Variants in AFG2A observed in about 807,000 individuals in gnomAD.
AFG2A encodes the protein ATPase family gene 2 protein homolog A.
the AFG2A span, among the ~76,000 whole-genome samples, chr4:123,284,993 A>T: frequency 6.6e-6 from 1 of 152,182 alleles, no homozygotes; most frequent in Non-Finnish European, 1.5e-5. Context: ...TCCTTAGATC[A>T]TTGTTACTCT....
chr4:123,242,214 C>T, the AFG2A span, among the ~76,000 whole-genome samples: 1 of 152,178 alleles, frequency 6.6e-6, no homozygotes, highest in Non-Finnish European at 1.5e-5. Flanking sequence ...AATGCTATCT[C>T]CATCAAGCTA....
chr4:123,181,601 T>C, the AFG2A span, among the ~76,000 whole-genome samples: 1 of 152,002 alleles, frequency 6.6e-6, no homozygotes, highest in African/African-American at 2.4e-5. Context: ...TCAGACCCTG[T>C]CTCAAAGAAA....
At chr4:122,979,896 T>C in the AFG2A span, among the ~76,000 whole-genome samples, 395 of 152,236 alleles carry the variant, frequency 2.6e-3, no homozygotes, top group South Asian at 6.0e-3. Flanking sequence ...AGACCCTGTC[T>C]CAAAAACAAA....
At chr4:123,303,329 T>TG in the AFG2A span, among the ~76,000 whole-genome samples, 1 of 152,152 alleles carries the variant, frequency 6.6e-6, no homozygotes, top group African/African-American at 2.4e-5. Flanking sequence ...AAGACCAGCC[T>TG]GGGCAACATT....
chr4:123,063,466 G>A, the AFG2A span, among the ~76,000 whole-genome samples: 1 of 152,178 alleles, frequency 6.6e-6, no homozygotes, highest in Non-Finnish European at 1.5e-5. Flanking sequence ...ATGTTTCTGG[G>A]CTGGGCACAG....
the AFG2A span, among the ~76,000 whole-genome samples, chr4:123,265,965 G>A: frequency 6.6e-6 from 1 of 151,974 alleles, no homozygotes. Flanking sequence ...TCAGAAGAGT[G>A]ATAAAATGGA....
the AFG2A span, among the ~76,000 whole-genome samples, chr4:122,933,896 AT>A: frequency 6.6e-6 from 1 of 152,156 alleles, no homozygotes; most frequent in African/African-American, 2.4e-5. Context: ...AGTGTGGAGG[AT>A]TTCAGAGAAT....
At chr4:123,238,866 G>A in the AFG2A span, among the ~76,000 whole-genome samples, 1 of 152,226 alleles carries the variant, frequency 6.6e-6, no homozygotes, top group South Asian at 2.1e-4. Flanking sequence ...GGATTCAGAA[G>A]GTCAATAATA....
At chr4:123,071,168 A>C in the AFG2A span, among the ~76,000 whole-genome samples, 1 of 152,210 alleles carries the variant, frequency 6.6e-6, no homozygotes, top group African/African-American at 2.4e-5. Flanking sequence ...TGGTAAATTG[A>C]ACTGTGAGTT....
At chr4:123,195,458 T>C in the AFG2A span, among the ~76,000 whole-genome samples, 1 of 152,166 alleles carries the variant, frequency 6.6e-6, no homozygotes, top group Non-Finnish European at 1.5e-5. Context: ...AGGTAGTAGA[T>C]GGGAAAATTT....
chr4:122,964,611 T>A, the AFG2A span, among the ~76,000 whole-genome samples: 2 of 152,148 alleles, frequency 1.3e-5, no homozygotes, highest in East Asian at 3.9e-4. Context: ...GAGGAGAGAC[T>A]ATGTGATACA....
At chr4:123,207,399 T>A in the AFG2A span, among the ~76,000 whole-genome samples, 1 of 151,054 alleles carries the variant, frequency 6.6e-6, no homozygotes, top group Admixed American at 6.6e-5. Context: ...TTGCCACCTC[T>A]GCCACCTGGA....
chr4:122,942,548 C>T, the AFG2A span, among the ~76,000 whole-genome samples: 4 of 152,024 alleles, frequency 2.6e-5, no homozygotes, highest in Admixed American at 1.3e-4. Flanking sequence ...GTCTTGCTAG[C>T]GGTCTATCAA....
At chr4:122,967,433 A>G in the AFG2A span, among the ~76,000 whole-genome samples, 8 of 152,136 alleles carry the variant, frequency 5.3e-5, no homozygotes, top group African/African-American at 1.9e-4. Context: ...CATGTAAAAA[A>G]TGCTGTTCTC....
At chr4:123,267,117 A>G in the AFG2A span, among the ~76,000 whole-genome samples, 3 of 152,158 alleles carry the variant, frequency 2.0e-5, no homozygotes, top group Non-Finnish European at 2.9e-5. Flanking sequence ...AAGTCATTCT[A>G]TTAGAATGTT....
chr4:123,163,728 G>C, the AFG2A span, among the ~76,000 whole-genome samples: 1 of 152,170 alleles, frequency 6.6e-6, no homozygotes, highest in Non-Finnish European at 1.5e-5. Context: ...CCCAGGGACT[G>C]ATTCACCTAA....
At chr4:122,927,957 G>A in the AFG2A span, among the ~76,000 whole-genome samples, 1 of 152,144 alleles carries the variant, frequency 6.6e-6, no homozygotes, top group African/African-American at 2.4e-5. Flanking sequence ...AAACGCTCCT[G>A]GTCCCAAACA....
the AFG2A span, among the ~76,000 whole-genome samples, chr4:122,968,477 C>G: frequency 2.0e-5 from 3 of 152,218 alleles, no homozygotes; most frequent in Admixed American, 6.5e-5. Flanking sequence ...GGCAACCACT[C>G]TCCTGGCTTC....
At chr4:123,266,758 C>G in the AFG2A span, among the ~76,000 whole-genome samples, 1 of 151,664 alleles carries the variant, frequency 6.6e-6, no homozygotes, top group African/African-American at 2.4e-5. Flanking sequence ...TGTGTAATAT[C>G]CCTATTTCGG....
Sources: gnomAD v4.1 joint callset for allele counts (sites outside exome capture counted in the v4.1 genomes callset) on GRCh38, gnomAD v4.1.1 for gene constraint, MANE v1.5 for transcripts, NCBI Gene and HGNC (gene_info 2026-07-23, HGNC 2026-07-21) for gene names.